The following EIF4ENIF1 variants were observed in gnomAD, a reference collection of about 807,000 sequenced individuals.
EIF4ENIF1 encodes eukaryotic translation initiation factor 4E nuclear import factor 1, also known as eukaryotic translation initiation factor 4E transporter.
In EIF4ENIF1, 23 loss-of-function variants were observed where a neutral mutation model predicts 110.5. The observed-to-expected ratio is 0.21, with a 90% CI of 0.15 to 0.29. The LOEUF is 0.29. EIF4ENIF1 is among the 10% of genes least tolerant of loss of function. The pLI is 1.00. For missense variants in EIF4ENIF1, 1,031 were observed against 1,221.1 expected (o/e 0.84, Z 2.32); for synonymous variants, 440 against 437.0 (o/e 1.01, Z -0.09).
At chr22:31,437,550 C>T (rs1263384771), downstream of EIF4ENIF1, 1 of 146,552 alleles carries the variant, frequency 6.8e-6, no homozygotes, top group Non-Finnish European at 1.5e-5. Flanking sequence ...TAGCAATACT[C>T]CCTTATTTCC....
chr22:31,487,651 G>C (rs1015077376), intron 2 of EIF4ENIF1, among the ~76,000 whole-genome samples: 1 of 151,976 alleles, frequency 6.6e-6, no homozygotes, highest in Admixed American at 6.6e-5. Context: ...TTAGCCGAGC[G>C]TACTGGTGCA....
chr22:31,489,850 G>T (rs1034170491), upstream of EIF4ENIF1: 1 of 151,456 alleles, frequency 6.6e-6, no homozygotes, highest in African/African-American at 2.4e-5. Context: ...ACTGCAGCCC[G>T]GCCCTCCGCC....
At chr22:31,449,596 A>G in intron 11 of EIF4ENIF1, 65 bp from the exon 12 acceptor site, 1 of 1,496,896 alleles carries the variant, frequency 6.7e-7, no homozygotes, top group Non-Finnish European at 9.0e-7. Flanking sequence ...GCTGTGAATT[A>G]TGGATTAACT....
intron 14 of EIF4ENIF1, chr22:31,447,023 A>G: frequency 2.1e-6 from 1 of 467,922 alleles, no homozygotes; most frequent in Non-Finnish European, 4.4e-6. Flanking sequence ...GGGGAAAGGA[A>G]TAAGGAGCTA....
chr22:31,442,607 C>T (rs899766720), intron 16 of EIF4ENIF1, among the ~76,000 whole-genome samples: 1 of 152,226 alleles, frequency 6.6e-6, no homozygotes, highest in Non-Finnish European at 1.5e-5. Context: ...TAAGTCTCCA[C>T]AGGCTGGACA....
chr22:31,490,235 G>A (rs763789804), upstream of EIF4ENIF1, among the ~76,000 whole-genome samples: 48 of 152,388 alleles, frequency 3.1e-4, no homozygotes, highest in Non-Finnish European at 5.7e-4. Flanking sequence ...TGGGCTGGCG[G>A]CTAGCACGGC....
chr22:31,477,372 AAACAAAAAAAAC>A (rs1295699175), intron 2 of EIF4ENIF1, among the ~76,000 whole-genome samples: 3 of 83,812 alleles, frequency 3.6e-5, no homozygotes, highest in Admixed American at 1.2e-4. Flanking sequence ...AAAAAAAAAA[AAACAAAAAAAAC>A]AAAAAAAGAG....
At position 31,463,952 on chromosome 22, in the gene EIF4ENIF1, A is replaced by G; in HGVS notation, c.314T>C (p.Val105Ala). ...VRRIVDPRERVKEDDLDVVLS... is the reference protein window; with the variant it reads ...VRRIVDPRERAKEDDLDVVLS... ...AACAACATCTAAGTCATCTTCTTTCACACGCTCTCGTGGATCTGGAAGGAC... is the reference window on the plus strand; with the variant it reads ...AACAACATCTAAGTCATCTTCTTTCGCACGCTCTCGTGGATCTGGAAGGAC... The change falls in exon 5 of 19, where the codon GTG becomes GCG. Residue 105 changes from valine (V) to alanine (A), a missense_variant. Physicochemically the swap from Val to Ala is moderately conservative, Grantham distance 64. Around this residue, in one of 3 missense-constraint regions of EIF4ENIF1, gnomAD observed 704 missense variants for 879.7 expected, o/e 0.80. Transcript: ENST00000330125. The G allele has an allele frequency of 6.2e-7, 1 of 1,612,744 alleles. No homozygotes were observed. The highest frequency in any genetic ancestry group is 8.5e-7 in the Non-Finnish European group (1 of 1,179,596).
intron 10 of EIF4ENIF1, 133 bp downstream of exon 10, chr22:31,454,011 G>T (rs1196656478): frequency 9.5e-6 from 7 of 735,982 alleles, no homozygotes; most frequent in Admixed American, 5.6e-5. Flanking sequence ...ACACACAAAA[G>T]CATCAAGGAC....
Position 31,447,505 on chromosome 22 carries a change from C to T in EIF4ENIF1, c.1909G>A (p.Ala637Thr), listed in dbSNP as rs777229073. The T allele has an allele frequency of 4.3e-6, 7 of 1,612,968 alleles. No individual in the cohort carries two copies. The highest frequency in any genetic ancestry group is 1.7e-5 in the Admixed American group (1 of 59,854). Residue 637 changes from alanine (A) to threonine (T), a missense_variant, in exon 14 of 19, where the codon GCT (alanine) becomes ACT (threonine). This residue lies in a region of EIF4ENIF1 where 704 missense variants were observed against 879.7 expected (regional missense o/e 0.80). Transcript: ENST00000330125. ...LEGLALPHDL[A>T]VQAANFYQPG... is the part of the protein sequence containing the mutation. ...TGGTAGAAGTTTGCTGCCTGTACAG[C>T]AAGGTCATGTGGCAAGGCCAGCCCT...
chr22:31,456,587 T>G (rs2050839501), intron 7 of EIF4ENIF1, among the ~76,000 whole-genome samples: 1 of 152,054 alleles, frequency 6.6e-6, no homozygotes, highest in South Asian at 2.1e-4. Context: ...CAATCTTGGC[T>G]CACTGCAACC....
Position 31,468,255 on chromosome 22 carries a change from G to T in EIF4ENIF1, c.218C>A (p.Ala73Asp), listed in dbSNP as rs1346705591. 1 of 1,614,184 alleles carries T rather than the reference G, an allele frequency of 6.2e-7. No homozygotes were observed. Among genetic ancestry groups the T allele is most frequent in the South Asian group, 1.1e-5 (1 of 91,078 alleles). ...TTCCACTGGTGAGCTCCGCCCTGAA[G>T]CTGGGTAGAGAGAGGCATGCCACTT... The part of the protein sequence containing the change: ...PEKWHASLYP[A>D]SGRSSPVESL... Residue 73 changes from alanine (A) to aspartate (D), a missense_variant, in exon 4 of 19, where the codon GCT becomes GAT. By Grantham distance (126) the Ala-to-Asp change is moderately radical. Around this residue, in one of 3 missense-constraint regions of EIF4ENIF1, gnomAD observed 704 missense variants for 879.7 expected, o/e 0.80. Transcript: ENST00000330125.
chr22:31,458,741 G>T, intron 6 of EIF4ENIF1, 91 bp from the exon 7 acceptor site: 1 of 1,205,322 alleles, frequency 8.3e-7, no homozygotes, highest in Non-Finnish European at 1.1e-6. Flanking sequence ...ATGTAGAAGA[G>T]CCACACATGA....
intron 7 of EIF4ENIF1, among the ~76,000 whole-genome samples, chr22:31,456,438 T>C (rs571349573): frequency 2.0e-5 from 3 of 151,970 alleles, no homozygotes; most frequent in East Asian, 3.9e-4. Context: ...TTAGCCAGGA[T>C]GGTCTCGATC....
At chr22:31,464,651 G>A (rs1234714737) in intron 4 of EIF4ENIF1, among the ~76,000 whole-genome samples, 1 of 98,832 alleles carries the variant, frequency 1.0e-5, no homozygotes, top group African/African-American at 4.6e-5. Flanking sequence ...ACTGTAGCCT[G>A]GGCAAAAGAC....
chr22:31,468,023 T>G, intron 4 of EIF4ENIF1, 152 bp downstream of exon 4: 1 of 1,123,286 alleles, frequency 8.9e-7, no homozygotes, highest in East Asian at 2.5e-5. Flanking sequence ...GACTTTACCC[T>G]GCTGATTAGG....
At chr22:31,465,666 C>T (rs2051160994) in intron 4 of EIF4ENIF1, among the ~76,000 whole-genome samples, 1 of 152,180 alleles carries the variant, frequency 6.6e-6, no homozygotes, top group African/African-American at 2.4e-5. Flanking sequence ...CCATTTTAAT[C>T]CTAGGTTTTT....
intron 1 of EIF4ENIF1, 195 bp downstream of exon 1, chr22:31,489,499 G>C (rs1341624700): frequency 2.0e-5 from 3 of 149,196 alleles, no homozygotes; most frequent in Non-Finnish European, 1.5e-5. Flanking sequence ...CGGCGGCTCG[G>C]TCCCCGCCAG....
Position 31,455,209 on chromosome 22 carries a change from T to C in EIF4ENIF1, c.1206A>G (p.Leu402=). The part of the protein sequence containing the change: ...AENKVDILEM[L]QKAKVDLKPL... Reference sequence around the variant, plus strand: ...GTTTCAAATCCACTTTGGCTTTCTGTAGCATTTCTAAAATATCCACTTTAT... The same window carrying C: ...GTTTCAAATCCACTTTGGCTTTCTGCAGCATTTCTAAAATATCCACTTTAT... The change falls in exon 9 of 19, where the codon CTA becomes CTG. Residue 402 remains leucine, a synonymous_variant. Transcript: ENST00000330125. 1.9e-6 allele frequency: 3 copies of C among 1,613,920 alleles called. No individual in the cohort carries two copies. Among genetic ancestry groups the C allele is most frequent in the Non-Finnish European group, 2.5e-6 (3 of 1,179,962 alleles).
Sources: gnomAD v4.1 joint callset for allele counts (sites outside exome capture counted in the v4.1 genomes callset) on GRCh38, gnomAD v4.1.1 for gene constraint, gnomAD v4.1.1 regional missense constraint, MANE v1.5 for transcripts, NCBI Gene and HGNC (gene_info 2026-07-23, HGNC 2026-07-21) for gene names.